Variants in DPP10 observed in about 807,000 individuals in gnomAD.
The protein encoded by DPP10 is dipeptidyl peptidase like 10.
In DPP10, 33 loss-of-function variants were observed where a neutral mutation model predicts 120.9. The observed-to-expected ratio is 0.27, with a 90% CI of 0.21 to 0.37. The LOEUF is 0.37. Ranked by LOEUF, DPP10 falls within the 10% of genes least tolerant of loss-of-function variation. DPP10 has a pLI of 1.00. For synonymous variants in DPP10, 337 were observed against 326.1 expected, an observed-to-expected ratio of 1.03 and a Z score of -0.36; for missense variants, 816 against 942.8, an observed-to-expected ratio of 0.87 and a Z score of 1.76.
chr2:114,962,528 A>C (rs1012297167), intron 1 of DPP10, among the ~76,000 whole-genome samples: 46 of 152,168 alleles, frequency 3.0e-4, no homozygotes, highest in African/African-American at 1.1e-3. Flanking sequence ...CCCATGTTTC[A>C]AAGCTTGTTC....
chr2:115,308,498 C>A (rs2061447757), intron 1 of DPP10, among the ~76,000 whole-genome samples: 1 of 151,950 alleles, frequency 6.6e-6, no homozygotes, highest in South Asian at 2.1e-4. Context: ...ATTATGCCCA[C>A]ACATATCTAG....
At chr2:114,462,860 C>T (rs1030941393) in intron 1 of DPP10, among the ~76,000 whole-genome samples, 4 of 152,188 alleles carry the variant, frequency 2.6e-5, no homozygotes, top group Admixed American at 6.5e-5. Context: ...CCTCTTCTCC[C>T]ACCCCCTGTT....
At chr2:115,000,876 T>A (rs2055815) in intron 1 of DPP10, among the ~76,000 whole-genome samples, 84,568 of 150,722 alleles carry the variant, frequency 0.56, 23,861 homozygotes, top group East Asian at 0.65. Context: ...TAGTAATTCC[T>A]AACGAGTGAA....
intron 1 of DPP10, among the ~76,000 whole-genome samples, chr2:114,864,466 A>C (rs1690064316): frequency 6.6e-6 from 1 of 152,166 alleles, no homozygotes; most frequent in Non-Finnish European, 1.5e-5. Flanking sequence ...AAGAGAATGC[A>C]CCTAGTCCCA....
intron 1 of DPP10, chr2:115,162,256 G>GTT: frequency 6.4e-7 from 1 of 1,560,158 alleles, no homozygotes; most frequent in Non-Finnish European, 8.7e-7. Context: ...GAGAGCCGCG[G>GTT]GGAAGGGGGC....
Position 115,791,167 on chromosome 2 carries a change from A to G in DPP10, c.1618A>G (p.Ile540Val), listed in dbSNP as rs1683937416. The change falls in exon 18 of 26, where the codon ATT becomes GTT. Residue 540 changes from isoleucine (I) to valine (V), a missense_variant. Physicochemically the swap from Ile to Val is conservative, Grantham distance 29 (BLOSUM62 3). This residue lies in a region of DPP10 where 592 missense variants were observed against 649.0 expected (regional missense o/e 0.91). Transcript: ENST00000410059. ...IGKPEIKILH[I>V]DDYELPLQLS... ...AAAGCCAGAAATTAAAATCCTTCAT[A>G]TTGACGACTATGGTAAAATTTTGTG... 6.2e-7 allele frequency: 1 copy of G among 1,613,344 alleles called. No individual in the cohort carries two copies. Among genetic ancestry groups the G allele is most frequent in the Non-Finnish European group, 8.5e-7 (1 of 1,179,626 alleles).
rs1351864810 is a variant in DPP10 at position 114,834,772 on chromosome 2, G to T, written c.60+391934G>T. On this transcript the variant is annotated intron_variant, in intron 1 of 25. Transcript: ENST00000410059. ...ATATAAGCCATGTCTACGCACCTAT[G>T]TATATATAAGCCATGTCTACACACC... Among the ~76,000 whole-genome samples, 3 of 140,436 alleles carry T rather than the reference G, an allele frequency of 2.1e-5. 1 individual carries two copies. The highest frequency in any genetic ancestry group is 7.8e-5 in the African/African-American group (3 of 38,540). The allele number at this position is 140,436 out of a possible 152,430, so 92.1% of individuals were successfully genotyped here.
At chr2:115,831,863 A>G (rs34329127) in intron 21 of DPP10, among the ~76,000 whole-genome samples, 2 of 152,184 alleles carry the variant, frequency 1.3e-5, no homozygotes, top group Non-Finnish European at 2.9e-5. Flanking sequence ...ATGACAAAAC[A>G]ATTTTAATGA....
intron 4 of DPP10, among the ~76,000 whole-genome samples, chr2:115,514,992 A>G (rs542691320): frequency 6.6e-6 from 1 of 152,014 alleles, no homozygotes; most frequent in Non-Finnish European, 1.5e-5. Flanking sequence ...GTAAGTGTAT[A>G]CGTCTACATT....
intron 1 of DPP10, among the ~76,000 whole-genome samples, chr2:114,599,399 C>G (rs563755298): frequency 1.6e-3 from 237 of 151,894 alleles, no homozygotes; most frequent in African/African-American, 5.1e-3. Context: ...ATTCTACCAC[C>G]ACCTGTGGGG....
intron 5 of DPP10, among the ~76,000 whole-genome samples, chr2:115,660,767 T>C (rs1246293333): frequency 1.3e-5 from 2 of 150,990 alleles, no homozygotes; most frequent in East Asian, 2.0e-4. Flanking sequence ...AGGGTCTTTA[T>C]ACTTGGAAAT....
chr2:115,682,551 G>A (rs2090732845), intron 5 of DPP10, among the ~76,000 whole-genome samples: 1 of 151,762 alleles, frequency 6.6e-6, no homozygotes, highest in African/African-American at 2.4e-5. Flanking sequence ...ATATAACAGG[G>A]AATATATCAG....
At chr2:115,817,793 C>G (rs1328880202) in intron 21 of DPP10, among the ~76,000 whole-genome samples, 2 of 151,648 alleles carry the variant, frequency 1.3e-5, no homozygotes, top group Non-Finnish European at 2.9e-5. Context: ...ACTGTTAAGC[C>G]TTAGGGACAT....
intron 1 of DPP10, among the ~76,000 whole-genome samples, chr2:115,280,481 T>C (rs537292650): frequency 2.0e-5 from 3 of 152,332 alleles, no homozygotes; most frequent in Non-Finnish European, 2.9e-5. Context: ...TATAGCTCAG[T>C]GTTCACCACT....
At chr2:114,671,496 C>T (rs1420743084) in intron 1 of DPP10, among the ~76,000 whole-genome samples, 1 of 152,122 alleles carries the variant, frequency 6.6e-6, no homozygotes, top group African/African-American at 2.4e-5. Flanking sequence ...GTACAACCTG[C>T]AGAACCATGA....
chr2:115,311,321 A>G (rs1481274608), intron 2 of DPP10, among the ~76,000 whole-genome samples: 1 of 152,172 alleles, frequency 6.6e-6, no homozygotes, highest in Non-Finnish European at 1.5e-5. Context: ...TTTATTTAGC[A>G]TGCTGCCTAG....
At chr2:115,700,472 G>A in intron 7 of DPP10, among the ~76,000 whole-genome samples, 1 of 152,024 alleles carries the variant, frequency 6.6e-6, no homozygotes, top group African/African-American at 2.4e-5. Context: ...AATGAACGGT[G>A]ATCATTATAC....
intron 1 of DPP10, among the ~76,000 whole-genome samples, chr2:115,003,899 C>T (rs1286965187): frequency 1.3e-5 from 2 of 151,930 alleles, no homozygotes; most frequent in African/African-American, 4.8e-5. Context: ...ATATTACATA[C>T]ATAGTATTAG....
At chr2:115,582,099 G>A (rs751840520) in intron 5 of DPP10, among the ~76,000 whole-genome samples, 4 of 152,214 alleles carry the variant, frequency 2.6e-5, no homozygotes, top group Middle Eastern at 3.4e-3. Context: ...GGTGCCTTGC[G>A]AGATCCAAGT....
Sources: gnomAD v4.1 joint callset for allele counts (sites outside exome capture counted in the v4.1 genomes callset) on GRCh38, gnomAD v4.1.1 for gene constraint, gnomAD v4.1.1 regional missense constraint, MANE v1.5 for transcripts, NCBI Gene and HGNC (gene_info 2026-07-23, HGNC 2026-07-21) for gene names.